The following UPP2 variants were observed in gnomAD, a reference collection of about 807,000 sequenced individuals.
UPP2 encodes uridine phosphorylase 2, also known as UPase 2.
Under a neutral mutation model 26.7 loss-of-function variants are expected in UPP2, and 23 were observed. The observed-to-expected ratio is 0.86, with a 90% confidence interval of 0.62 to 1.22. The LOEUF is 1.22. Ranked by LOEUF, UPP2 falls within the 50% of genes most tolerant of loss-of-function variation. The pLI, the probability that UPP2 is intolerant of heterozygous loss-of-function variation, is 0.00. For missense variants in UPP2, 387 were observed against 396.7 expected, an observed-to-expected ratio of 0.98 and a Z score of 0.21; for synonymous variants, 127 against 141.3, an observed-to-expected ratio of 0.90 and a Z score of 0.72.
chr2:158,124,455 T>G (rs1411679457), intron 6 of UPP2, among the ~76,000 whole-genome samples: 1 of 152,146 alleles, frequency 6.6e-6, no homozygotes, highest in Non-Finnish European at 1.5e-5. Context: ...TGTAGGACAC[T>G]GTGAGAACAA....
chr2:158,044,877 T>C (rs1684130341), intron 3 of UPP2, among the ~76,000 whole-genome samples: 1 of 152,194 alleles, frequency 6.6e-6, no homozygotes. Context: ...GCTCCATGTG[T>C]CTGAACAGCA....
At chr2:158,088,367 C>T (rs1361240307) in intron 3 of UPP2, among the ~76,000 whole-genome samples, 1 of 152,126 alleles carries the variant, frequency 6.6e-6, no homozygotes, top group Non-Finnish European at 1.5e-5. Flanking sequence ...ATTTATTTCA[C>T]TGAAGCTTTT....
Position 158,121,545 on chromosome 2 carries a change from C to G in UPP2, c.591C>G (p.Phe197Leu). 6.2e-7 allele frequency: 1 copy of G among 1,613,498 alleles called. No homozygotes were observed. Among genetic ancestry groups the G allele is most frequent in the Non-Finnish European group, 8.5e-7 (1 of 1,179,484 alleles). ...ACAAAGAACTGTCTGAAGAACTGTT[C>G]AACTGTAGCAAAGAAATCCCCAACT... is the stretch of plus-strand genomic sequence containing the variant. ...ELDKELSEEL[F>L]NCSKEIPNFP... Residue 197 changes from phenylalanine to leucine, a missense_variant, in exon 5 of 7, where the codon TTC becomes TTG. Transcript: ENST00000005756.
At chr2:158,009,318 A>T (rs1042336020) in intron 2 of UPP2, among the ~76,000 whole-genome samples, 169 of 152,342 alleles carry the variant, frequency 1.1e-3, no homozygotes, top group African/African-American at 4.0e-3. Flanking sequence ...TATTGGATAC[A>T]CACAGTAATA....
chr2:158,090,111 G>A (rs912710517), intron 3 of UPP2, among the ~76,000 whole-genome samples: 18 of 152,104 alleles, frequency 1.2e-4, no homozygotes, highest in Non-Finnish European at 1.9e-4. Flanking sequence ...TAAAAGGGTG[G>A]AATTGGAATG....
intron 3 of UPP2, among the ~76,000 whole-genome samples, chr2:158,055,433 A>G (rs1271812339): frequency 1.3e-5 from 2 of 152,176 alleles, no homozygotes; most frequent in African/African-American, 4.8e-5. Flanking sequence ...TGCACGGGAC[A>G]TTCAAATCAT....
At chr2:158,103,056 T>A (rs1401861804) in intron 1 of UPP2, among the ~76,000 whole-genome samples, 2 of 152,166 alleles carry the variant, frequency 1.3e-5, no homozygotes, top group African/African-American at 4.8e-5. Context: ...CAACAACACA[T>A]ATAAACCTAT....
At chr2:158,028,949 G>A (rs1683878638) in intron 3 of UPP2, among the ~76,000 whole-genome samples, 1 of 152,206 alleles carries the variant, frequency 6.6e-6, no homozygotes, top group Non-Finnish European at 1.5e-5. Flanking sequence ...CACAACACAT[G>A]AGAAAGTGAG....
intron 6 of UPP2, among the ~76,000 whole-genome samples, chr2:158,129,088 C>T (rs1282641345): frequency 6.6e-6 from 1 of 152,040 alleles, no homozygotes; most frequent in Non-Finnish European, 1.5e-5. Flanking sequence ...ATTCCACCCT[C>T]CTAGCCTCTA....
At chr2:158,130,344 G>A (rs777092412) in intron 6 of UPP2, among the ~76,000 whole-genome samples, 4 of 151,796 alleles carry the variant, frequency 2.6e-5, no homozygotes, top group Non-Finnish European at 4.4e-5. Flanking sequence ...CCAGCTACTC[G>A]GGAGGCTGAG....
chr2:158,030,053 C>G (rs1683901679), intron 3 of UPP2, among the ~76,000 whole-genome samples: 1 of 152,136 alleles, frequency 6.6e-6, no homozygotes, highest in South Asian at 2.1e-4. Flanking sequence ...GGAACCCCTA[C>G]TGTTAGGAAA....
chr2:158,071,493 G>A (rs1322981145), intron 3 of UPP2, among the ~76,000 whole-genome samples: 1 of 139,570 alleles, frequency 7.2e-6, no homozygotes, highest in African/African-American at 2.6e-5. Context: ...GGAGGTTGCA[G>A]TGAACCTAGA....
At chr2:158,037,146 G>A (rs1306318887) in intron 3 of UPP2, among the ~76,000 whole-genome samples, 1 of 151,996 alleles carries the variant, frequency 6.6e-6, no homozygotes, top group East Asian at 1.9e-4. Context: ...AGGCTAAGGT[G>A]GGTGAATAAC....
intron 3 of UPP2, among the ~76,000 whole-genome samples, chr2:158,069,622 G>A (rs1306576011): frequency 6.6e-6 from 1 of 152,136 alleles, no homozygotes; most frequent in African/African-American, 2.4e-5. Flanking sequence ...GAATCTCTCT[G>A]GTGAGGCATG....
chr2:158,087,304 C>G (rs1013894093), intron 3 of UPP2, among the ~76,000 whole-genome samples: 1 of 152,102 alleles, frequency 6.6e-6, no homozygotes. Flanking sequence ...ATAAGAATAG[C>G]TACTCCTGCT....
chr2:158,053,785 A>G (rs1682199106), intron 3 of UPP2, among the ~76,000 whole-genome samples: 1 of 152,272 alleles, frequency 6.6e-6, no homozygotes, highest in Non-Finnish European at 1.5e-5. Context: ...AAGTGTGAGG[A>G]ATTTATCTTC....
chr2:158,069,572 C>T (rs1403415428), intron 3 of UPP2, among the ~76,000 whole-genome samples: 2 of 152,214 alleles, frequency 1.3e-5, no homozygotes, highest in African/African-American at 2.4e-5. Flanking sequence ...GCACCGTGGT[C>T]GTCAGCTTCC....
chr2:158,111,765 C>A (rs1177509975), intron 2 of UPP2, among the ~76,000 whole-genome samples: 1 of 151,782 alleles, frequency 6.6e-6, no homozygotes, highest in African/African-American at 2.4e-5. Context: ...TGTTTCTCTG[C>A]TTATTTGTTT....
intron 3 of UPP2, among the ~76,000 whole-genome samples, chr2:158,051,792 C>A (rs1682163428): frequency 6.6e-6 from 1 of 151,980 alleles, no homozygotes; most frequent in Admixed American, 6.5e-5. Context: ...ACAACAACAA[C>A]AACAACAACA....
Sources: allele counts gnomAD v4.1 joint callset (sites outside exome capture counted in the v4.1 genomes callset), GRCh38; gene constraint gnomAD v4.1.1; transcripts MANE v1.5; gene names NCBI Gene and HGNC (gene_info 2026-07-23, HGNC 2026-07-21).